Variants in NKAIN3 observed in about 807,000 individuals in gnomAD.
NKAIN3 encodes sodium/potassium-transporting ATPase subunit beta-1-interacting protein 3.
A neutral mutation model predicts 30.2 loss-of-function variants in NKAIN3; 25 were observed. That is an observed-to-expected ratio of 0.83 (90% CI 0.60 to 1.16). The LOEUF (loss-of-function observed/expected upper bound fraction) is 1.16, where lower values mean the gene tolerates loss of function less well. Among genes scored for constraint, NKAIN3 ranks in the 50% most tolerant of loss-of-function variants. The pLI is 0.00. For missense variants in NKAIN3, 225 were observed against 254.1 expected (o/e 0.89, Z 0.78); for synonymous variants, 91 against 89.6 (o/e 1.02, Z -0.09).
chr8:62,884,050 AT>A (rs879410252), intron 4 of NKAIN3, among the ~76,000 whole-genome samples: 1 of 152,150 alleles, frequency 6.6e-6, no homozygotes, highest in Admixed American at 6.5e-5. Context: ...TATAACTGGG[AT>A]AAATCTCACT....
intron 1 of NKAIN3, among the ~76,000 whole-genome samples, chr8:62,498,348 T>C (rs1054647743): frequency 6.6e-6 from 1 of 152,066 alleles, no homozygotes; most frequent in Non-Finnish European, 1.5e-5. Flanking sequence ...AGGTTTTAAA[T>C]TTGATTATTA....
chr8:62,495,275 G>A (rs1807198724), intron 1 of NKAIN3, among the ~76,000 whole-genome samples: 1 of 152,014 alleles, frequency 6.6e-6, no homozygotes, highest in Non-Finnish European at 1.5e-5. Flanking sequence ...GAAAGTACTA[G>A]AATAAGAGTA....
intron 1 of NKAIN3, among the ~76,000 whole-genome samples, chr8:62,437,159 T>TG (rs1346200441): frequency 2.0e-5 from 3 of 151,886 alleles, no homozygotes; most frequent in Non-Finnish European, 4.4e-5. Flanking sequence ...GAATAGATTT[T>TG]TTTTGACACA....
chr8:62,290,108 G>A (rs1171410745), intron 1 of NKAIN3, among the ~76,000 whole-genome samples: 1 of 152,184 alleles, frequency 6.6e-6, no homozygotes, highest in Non-Finnish European at 1.5e-5. Flanking sequence ...CTGAGACTTT[G>A]CTGAAGTTGC....
chr8:62,340,213 G>A (rs1815696686), intron 1 of NKAIN3, among the ~76,000 whole-genome samples: 1 of 152,048 alleles, frequency 6.6e-6, no homozygotes. Flanking sequence ...AGCATATGAT[G>A]TAATGATATA....
intron 4 of NKAIN3, among the ~76,000 whole-genome samples, chr8:62,895,170 C>A (rs1821394904): frequency 6.6e-6 from 1 of 152,170 alleles, no homozygotes; most frequent in Non-Finnish European, 1.5e-5. Flanking sequence ...TATATGTATT[C>A]TCTTCCTTCA....
intron 4 of NKAIN3, among the ~76,000 whole-genome samples, chr8:62,829,193 A>T (rs1819118506): frequency 6.6e-6 from 1 of 152,240 alleles, no homozygotes; most frequent in Non-Finnish European, 1.5e-5. Flanking sequence ...CTTAATGCAG[A>T]GGTTTTTTAG....
At chr8:62,348,141 C>G (rs992828357) in intron 1 of NKAIN3, among the ~76,000 whole-genome samples, 19 of 152,022 alleles carry the variant, frequency 1.2e-4, no homozygotes, top group African/African-American at 4.3e-4. Flanking sequence ...TGAATTTAAG[C>G]AGCTATCAAT....
chr8:62,932,942 C>T (rs899533011), intron 5 of NKAIN3, among the ~76,000 whole-genome samples: 5 of 149,064 alleles, frequency 3.4e-5, no homozygotes, highest in South Asian at 2.2e-4. Flanking sequence ...TAGCCATCTC[C>T]GAGGAAGAAA....
In NKAIN3 at chr8:62,970,844, A is replaced by G. The variant is rs1823817281; in HGVS notation, c.*5437A>G. On this transcript the variant is annotated 3_prime_UTR_variant, in exon 7 of 7. Transcript: ENST00000623646. ...CTTTCCTCTTCAGAGTTATTTAGAAACAGTTCAAAGAAACCAATAATCTAT... is the reference window on the plus strand; with the variant it reads ...CTTTCCTCTTCAGAGTTATTTAGAAGCAGTTCAAAGAAACCAATAATCTAT... Among the ~76,000 whole-genome samples the G allele has an allele frequency of 6.6e-6, 1 of 152,242 alleles. No homozygotes were observed. Among genetic ancestry groups the G allele is most frequent in the South Asian group, 2.1e-4 (1 of 4,838 alleles).
At chr8:62,547,361 C>T (rs974289445) in intron 1 of NKAIN3, among the ~76,000 whole-genome samples, 7 of 151,820 alleles carry the variant, frequency 4.6e-5, no homozygotes, top group African/African-American at 9.7e-5. Flanking sequence ...ATGAGTTTGC[C>T]GAAAGCAAAG....
At chr8:62,430,322 A>C (rs999659605) in intron 1 of NKAIN3, among the ~76,000 whole-genome samples, 1 of 151,298 alleles carries the variant, frequency 6.6e-6, no homozygotes, top group Non-Finnish European at 1.5e-5. Context: ...ATTCATAGCA[A>C]TATTATTTAT....
intron 3 of NKAIN3, among the ~76,000 whole-genome samples, chr8:62,690,151 C>A (rs944365741): frequency 6.6e-6 from 1 of 152,040 alleles, no homozygotes; most frequent in African/African-American, 2.4e-5. Flanking sequence ...GGGTGTTTCC[C>A]AGGGTCTCAG....
chr8:62,855,936 T>A (rs1820047847), intron 4 of NKAIN3: 10 of 740,954 alleles, frequency 1.3e-5, no homozygotes, highest in South Asian at 1.1e-4. Flanking sequence ...TACAACCTCC[T>A]TGTCCAGACA....
chr8:62,294,627 C>T (rs1813767810), intron 1 of NKAIN3, among the ~76,000 whole-genome samples: 1 of 152,104 alleles, frequency 6.6e-6, no homozygotes, highest in Non-Finnish European at 1.5e-5. Flanking sequence ...GGTTCACTTT[C>T]AGACTCAACC....
chr8:62,346,214 G>C (rs755732045), intron 1 of NKAIN3, among the ~76,000 whole-genome samples: 1 of 152,074 alleles, frequency 6.6e-6, no homozygotes, highest in Non-Finnish European at 1.5e-5. Context: ...TGAAAAAGAG[G>C]ATTTTGAATG....
intron 4 of NKAIN3, among the ~76,000 whole-genome samples, chr8:62,829,469 C>T (rs1014801451): frequency 1.3e-5 from 2 of 152,066 alleles, no homozygotes; most frequent in African/African-American, 4.8e-5. Flanking sequence ...ATACCGTAAG[C>T]AAACCAGGTA....
chr8:62,294,942 T>C (rs1007453117), intron 1 of NKAIN3, among the ~76,000 whole-genome samples: 1 of 152,118 alleles, frequency 6.6e-6, no homozygotes, highest in Non-Finnish European at 1.5e-5. Flanking sequence ...AACACACATC[T>C]CTCAGGTCCT....
chr8:62,844,936 G>C lies in NKAIN3; in HGVS notation c.472-73517G>C, dbSNP rs143744266. 1.8e-3 allele frequency among the ~76,000 whole-genome samples: 271 copies of C among 151,996 alleles called. 1 individual carries two copies. The Middle Eastern group carries it at 0.02, about 11-fold the overall frequency. On this transcript the variant is annotated intron_variant, in intron 4 of 6. Coordinates refer to ENST00000623646, the MANE Select transcript of NKAIN3 (RefSeq NM_001304533.3). ...ACAAGGAAATACTGTCTACGAAGGG[G>C]CCCCTAGTGCTCTGCACCCTCCCGT...
Sources: gnomAD v4.1 joint callset for allele counts (sites outside exome capture counted in the v4.1 genomes callset) on GRCh38, gnomAD v4.1.1 for gene constraint, MANE v1.5 for transcripts, NCBI Gene and HGNC (gene_info 2026-07-23, HGNC 2026-07-21) for gene names.